Variants in SBNO2 observed in about 807,000 individuals in gnomAD.
The protein encoded by SBNO2 is strawberry notch homolog 2.
A neutral mutation model predicts 146.3 loss-of-function variants in SBNO2; 89 were observed. The observed-to-expected ratio is 0.61, with a 90% CI of 0.51 to 0.73. The LOEUF is 0.73. Among genes scored for constraint, SBNO2 ranks in the 30% least tolerant of loss-of-function variants. SBNO2 has a pLI of 0.00. For missense variants in SBNO2, 2,092 were observed against 2,003.7 expected (o/e 1.04, Z -0.84); for synonymous variants, 1,147 against 892.6 (o/e 1.29, Z -5.08).
At chr19:1,125,797 C>A (rs2079958872) in intron 5 of SBNO2, among the ~76,000 whole-genome samples, 1 of 152,146 alleles carries the variant, frequency 6.6e-6, no homozygotes, top group African/African-American at 2.4e-5. Flanking sequence ...GGTTCCAGAC[C>A]AGCCTGGACA....
intron 11 of SBNO2, 82 bp downstream of exon 11, chr19:1,122,057 C>G (rs2079906520): frequency 9.6e-7 from 1 of 1,040,974 alleles, no homozygotes; most frequent in Admixed American, 4.1e-5. Flanking sequence ...ACTCCCACCC[C>G]TCCTCTCCCA....
chr19:1,165,137 G>A (rs1314426623), intron 1 of SBNO2, among the ~76,000 whole-genome samples: 2 of 152,106 alleles, frequency 1.3e-5, no homozygotes, highest in East Asian at 3.9e-4. Flanking sequence ...AGCAGCCCCC[G>A]CCATGCGAGG....
At chr19:1,115,088 C>A (rs1428867420) in intron 17 of SBNO2, among the ~76,000 whole-genome samples, 6 of 151,890 alleles carry the variant, frequency 4.0e-5, no homozygotes, top group Non-Finnish European at 8.8e-5. Flanking sequence ...CACCACCACA[C>A]CTGGCTAATT....
intron 4 of SBNO2, among the ~76,000 whole-genome samples, chr19:1,135,811 T>C (rs1318625371): frequency 2.0e-5 from 3 of 151,894 alleles, no homozygotes; most frequent in African/African-American, 7.3e-5. Context: ...CAGAAGAGGC[T>C]TCCAGGTGGT....
chr19:1,120,530 C>T (rs1369310526), intron 11 of SBNO2, among the ~76,000 whole-genome samples: 4 of 152,108 alleles, frequency 2.6e-5, no homozygotes, highest in Non-Finnish European at 2.9e-5. Flanking sequence ...CCACCACAAC[C>T]GGCTAATTTT....
intron 1 of SBNO2, among the ~76,000 whole-genome samples, chr19:1,166,773 TC>T (rs1336292382): frequency 6.6e-6 from 1 of 152,232 alleles, no homozygotes; most frequent in East Asian, 1.9e-4. Context: ...ACTCCAGACT[TC>T]CGGTCCTTTG....
At chr19:1,131,904 A>G (rs1449791740) in intron 4 of SBNO2, among the ~76,000 whole-genome samples, 2 of 152,242 alleles carry the variant, frequency 1.3e-5, no homozygotes, top group Admixed American at 1.3e-4. Context: ...ACCTTCCGGC[A>G]GATTCCCTCT....
chr19:1,116,142 C>T, intron 16 of SBNO2, 39 bp from the exon 17 acceptor site: 2 of 1,573,830 alleles, frequency 1.3e-6, no homozygotes, highest in Non-Finnish European at 1.7e-6. Flanking sequence ...ACACGAGGAG[C>T]TGAGGCCAGG....
At chr19:1,166,617 GCACACACACACACA>G (rs71932539) in intron 1 of SBNO2, among the ~76,000 whole-genome samples, 1 of 136,274 alleles carries the variant, frequency 7.3e-6, no homozygotes, top group East Asian at 2.4e-4. Flanking sequence ...AACTGCACGC[GCACACACACACACA>G]CACACACACA....
In SBNO2 at chr19:1,108,350, TGCAGCGAGC is replaced by T; in HGVS notation, c.3962_3970del (p.Arg1321_Leu1323del). On this transcript the variant is annotated inframe_deletion, in exon 32 of 32. Coordinates refer to ENST00000361757, the MANE Select transcript of SBNO2 (RefSeq NM_014963.3). ...CGCGCCCTCGGAGGGCGGCCCCGCG[TGCAGCGAGC>T]GCAGCATGTCCTCCAGCACCTCCTT... 1 of 1,302,328 alleles carries T rather than the reference TGCAGCGAGC, an allele frequency of 7.7e-7. No individual in the cohort carries two copies. Among genetic ancestry groups the T allele is most frequent in the Non-Finnish European group, 9.8e-7 (1 of 1,020,992 alleles). 80.7% of individuals were successfully genotyped at this position (1,302,328 alleles called of 1,614,324 possible). A position where few individuals can be genotyped will look rare whatever the true frequency, so the allele number is the denominator to read the frequency against.
chr19:1,164,420 CAGG>C lies in SBNO2; in HGVS notation c.-127+9749_-127+9751del, dbSNP rs1325727843. On this transcript the variant is annotated intron_variant, in intron 1 of 31. Transcript: ENST00000361757. ...GGAGGAGGAGGAGGAGGAGGAGGAA[CAGG>C]AGGAGGAGGAGGAGGAGGAGGAGGA... Among the ~76,000 whole-genome samples, 77 of 11,540 alleles carry C rather than the reference CAGG, an allele frequency of 6.7e-3. 1 individual carries two copies. The highest frequency in any genetic ancestry group is 0.015 in the African/African-American group (42 of 2,796). The allele number at this position is 11,540 out of a possible 152,430, so 7.6% of individuals were successfully genotyped here. A position where few individuals can be genotyped will look rare whatever the true frequency, so the allele number is the denominator to read the frequency against.
intron 1 of SBNO2, among the ~76,000 whole-genome samples, 151 bp downstream of exon 1, chr19:1,174,021 G>T (rs1024438255): frequency 1.7e-4 from 26 of 150,932 alleles, no homozygotes; most frequent in African/African-American, 6.1e-4. Context: ...GCGGAGGGCG[G>T]GGGTCCCGCC....
chr19:1,164,805 G>A (rs2080392542), intron 1 of SBNO2, among the ~76,000 whole-genome samples: 1 of 838 alleles, frequency 1.2e-3, no homozygotes, highest in Non-Finnish European at 2.7e-3. Flanking sequence ...AGGAGGAGGA[G>A]GAGGAGGAGC....
In SBNO2 at chr19:1,136,252, C is replaced by T. The variant is rs551541506; in HGVS notation, c.280-8487G>A. Among the ~76,000 whole-genome samples, 52 of 152,168 alleles carry T rather than the reference C, an allele frequency of 3.4e-4. No homozygotes were observed. The highest frequency in any genetic ancestry group is 6.0e-4 in the Non-Finnish European group (41 of 68,016). On this transcript the variant is annotated intron_variant, in intron 4 of 31. Coordinates refer to ENST00000361757, the MANE Select transcript of SBNO2 (RefSeq NM_014963.3). The surrounding 1 kb of genome is among the most constrained non-coding windows in gnomAD (Gnocchi z 4.2). ...CTCCAGGGCTGGGAGGGGACAGAGT[C>T]CTGGCCTTTGAAGCTGTGTGTGCTG... is the stretch of plus-strand genomic sequence containing the variant.
chr19:1,164,536 G>GAGGAAC, intron 1 of SBNO2, among the ~76,000 whole-genome samples: 3 of 116,026 alleles, frequency 2.6e-5, no homozygotes, highest in Admixed American at 8.4e-5. Flanking sequence ...GGAGGAGGAG[G>GAGGAAC]AGGAGGAGGA....
intron 1 of SBNO2, among the ~76,000 whole-genome samples, chr19:1,160,384 G>C (rs1202058372): frequency 1.3e-4 from 20 of 152,196 alleles, no homozygotes; most frequent in Non-Finnish European, 4.4e-5. Context: ...GGGTCTGCGG[G>C]GCGGCCTCAC....
intron 17 of SBNO2, chr19:1,115,678 G>T (rs946611469): frequency 2.9e-5 from 12 of 406,846 alleles, no homozygotes; most frequent in Non-Finnish European, 4.9e-5. Flanking sequence ...GAAGCCTGGG[G>T]GTTATCAATG....
At chr19:1,113,407 C>T (rs1400385826) in intron 19 of SBNO2, 128 bp downstream of exon 19, 2 of 887,838 alleles carry the variant, frequency 2.3e-6, no homozygotes, top group Non-Finnish European at 3.3e-6. Context: ...CCAAACGCCC[C>T]CTCCTCGCAG....
intron 4 of SBNO2, among the ~76,000 whole-genome samples, chr19:1,129,082 T>C (rs769230147): frequency 2.0e-5 from 3 of 151,694 alleles, no homozygotes; most frequent in Non-Finnish European, 4.4e-5. Flanking sequence ...GCCTGACCAA[T>C]ATGGTAAAAC....
Sources: allele counts gnomAD v4.1 joint callset (sites outside exome capture counted in the v4.1 genomes callset), GRCh38; gene constraint gnomAD v4.1.1; non-coding constraint Gnocchi (gnomAD v3.1); transcripts MANE v1.5; gene names NCBI Gene and HGNC (gene_info 2026-07-23, HGNC 2026-07-21).